Variants in NKAIN2 observed in about 807,000 individuals in gnomAD.
NKAIN2 encodes sodium/potassium transporting ATPase interacting 2.
A neutral mutation model predicts 32.6 loss-of-function variants in NKAIN2; 14 were observed. The observed-to-expected ratio is 0.43, with a 90% CI of 0.28 to 0.67. The LOEUF is 0.67. NKAIN2 is among the 30% of genes least tolerant of loss of function. NKAIN2 has a pLI of 0.17. For synonymous variants in NKAIN2, 80 were observed against 87.2 expected (o/e 0.92, Z 0.46); for missense variants, 198 against 258.3 (o/e 0.77, Z 1.60).
chr6:124,819,708 G>T (rs1227787676), intron 6 of NKAIN2, among the ~76,000 whole-genome samples: 3 of 152,120 alleles, frequency 2.0e-5, no homozygotes, highest in Non-Finnish European at 4.4e-5. Context: ...CTATCAAGGA[G>T]TCCCTATTAC....
intron 4 of NKAIN2, among the ~76,000 whole-genome samples, chr6:124,718,981 C>G (rs879411343): frequency 6.6e-6 from 1 of 151,922 alleles, no homozygotes; most frequent in Non-Finnish European, 1.5e-5. Context: ...TCATTTCTGT[C>G]GAATGAAGGT....
intron 3 of NKAIN2, among the ~76,000 whole-genome samples, chr6:124,613,443 A>G (rs1257342549): frequency 6.6e-6 from 1 of 152,178 alleles, no homozygotes; most frequent in Non-Finnish European, 1.5e-5. Flanking sequence ...GAGAATCAAT[A>G]TGGGTTTCTG....
intron 1 of NKAIN2, among the ~76,000 whole-genome samples, chr6:123,825,938 T>G (rs1774130422): frequency 6.6e-6 from 1 of 152,174 alleles, no homozygotes; most frequent in Admixed American, 6.6e-5. Context: ...TAAAAGTGAT[T>G]AAGAACTGCT....
At chr6:124,078,406 T>A (rs1342963475) in intron 1 of NKAIN2, among the ~76,000 whole-genome samples, 1 of 152,046 alleles carries the variant, frequency 6.6e-6, no homozygotes, top group African/African-American at 2.4e-5. Context: ...GTTAACATTT[T>A]ACAAATATTA....
At position 124,570,289 on chromosome 6, in the gene NKAIN2, G is replaced by C. The variant is rs146556777; in HGVS notation, c.274-87897G>C. On this transcript the variant is annotated intron_variant, in intron 3 of 6. Coordinates refer to ENST00000368417, the MANE Select transcript of NKAIN2 (RefSeq NM_001040214.3). Reference sequence around the variant, plus strand: ...TAAAGAAAAGCCCATTTTTTGAGGAGAAATTCAAGCTGGCTGCAGACATTT... The same window carrying C: ...TAAAGAAAAGCCCATTTTTTGAGGACAAATTCAAGCTGGCTGCAGACATTT... Among the ~76,000 whole-genome samples, 601 of 152,238 alleles carry C rather than the reference G, an allele frequency of 3.9e-3. 6 individuals are homozygous for C. The highest frequency in any genetic ancestry group is 0.014 in the African/African-American group (577 of 41,558).
chr6:123,813,579 AG>A (rs202186273), intron 1 of NKAIN2, among the ~76,000 whole-genome samples: 1,861 of 152,300 alleles, frequency 0.012, 17 homozygotes, highest in Non-Finnish European at 0.02. Flanking sequence ...TGGGAGGCCG[AG>A]GCCGGTAGAT....
intron 3 of NKAIN2, among the ~76,000 whole-genome samples, chr6:124,420,263 C>A (rs1360380614): frequency 6.6e-6 from 1 of 152,118 alleles, no homozygotes; most frequent in Non-Finnish European, 1.5e-5. Context: ...TTTCCTTTGT[C>A]TTGGCCTTAC....
chr6:123,876,143 A>G (rs753779978), intron 1 of NKAIN2, among the ~76,000 whole-genome samples: 2 of 152,126 alleles, frequency 1.3e-5, no homozygotes, highest in African/African-American at 4.8e-5. Flanking sequence ...AATTTCATTA[A>G]ATTTTACTGG....
intron 4 of NKAIN2, among the ~76,000 whole-genome samples, chr6:124,706,088 C>T (rs1021559255): frequency 2.0e-5 from 3 of 152,020 alleles, no homozygotes; most frequent in African/African-American, 4.8e-5. Flanking sequence ...GTTAAGTTCC[C>T]GAAAACAAGA....
intron 3 of NKAIN2, among the ~76,000 whole-genome samples, chr6:124,393,035 A>G (rs1162791371): frequency 6.6e-6 from 1 of 152,146 alleles, no homozygotes; most frequent in Non-Finnish European, 1.5e-5. Context: ...ATACAGTTTG[A>G]TCTACATCCC....
chr6:124,284,026 T>C (rs1468679997), intron 2 of NKAIN2, among the ~76,000 whole-genome samples: 2 of 147,840 alleles, frequency 1.4e-5, no homozygotes, highest in Admixed American at 1.4e-4. Flanking sequence ...CATGACCTGT[T>C]CTCTCCATCA....
At chr6:124,241,107 CAG>C (rs948596279) in intron 1 of NKAIN2, among the ~76,000 whole-genome samples, 1 of 152,092 alleles carries the variant, frequency 6.6e-6, no homozygotes, top group South Asian at 2.1e-4. Flanking sequence ...AATAGAAAAA[CAG>C]AGAGCCAAAT....
At chr6:123,985,628 G>A (rs1779102225) in intron 1 of NKAIN2, among the ~76,000 whole-genome samples, 1 of 152,240 alleles carries the variant, frequency 6.6e-6, no homozygotes, top group Admixed American at 6.5e-5. Flanking sequence ...CATCCAGTAA[G>A]TACTAAGTGA....
At chr6:124,044,223 T>A (rs79535547) in intron 1 of NKAIN2, among the ~76,000 whole-genome samples, 1 of 152,054 alleles carries the variant, frequency 6.6e-6, no homozygotes, top group Non-Finnish European at 1.5e-5. Context: ...TTTTTAATGG[T>A]TACCATTAAT....
chr6:124,394,267 G>A (rs1773265383), intron 3 of NKAIN2, among the ~76,000 whole-genome samples: 1 of 152,050 alleles, frequency 6.6e-6, no homozygotes, highest in African/African-American at 2.4e-5. Flanking sequence ...GTTTTCTCCA[G>A]CTTTTGTAGT....
intron 1 of NKAIN2, among the ~76,000 whole-genome samples, chr6:124,007,917 T>C (rs1780147778): frequency 6.6e-6 from 1 of 152,144 alleles, no homozygotes; most frequent in Non-Finnish European, 1.5e-5. Flanking sequence ...CCTTGAGTTT[T>C]GGGGTTACAG....
At chr6:124,548,239 G>A (rs1290857852) in intron 3 of NKAIN2, among the ~76,000 whole-genome samples, 1 of 152,128 alleles carries the variant, frequency 6.6e-6, no homozygotes, top group Non-Finnish European at 1.5e-5. Context: ...AAATTCATTT[G>A]TTAAGGAATT....
At chr6:123,868,469 A>G (rs1001064026) in intron 1 of NKAIN2, among the ~76,000 whole-genome samples, 1 of 152,124 alleles carries the variant, frequency 6.6e-6, no homozygotes, top group Non-Finnish European at 1.5e-5. Context: ...TGCTTGTGGT[A>G]TTTTTCTGAA....
At chr6:124,669,104 A>G (rs768549577) in intron 4 of NKAIN2, among the ~76,000 whole-genome samples, 1 of 152,150 alleles carries the variant, frequency 6.6e-6, no homozygotes, top group Non-Finnish European at 1.5e-5. Flanking sequence ...GCACATGACA[A>G]CTTATCACCA....
Sources: allele counts gnomAD v4.1 joint callset (sites outside exome capture counted in the v4.1 genomes callset), GRCh38; gene constraint gnomAD v4.1.1; transcripts MANE v1.5; gene names NCBI Gene and HGNC (gene_info 2026-07-23, HGNC 2026-07-21).